ROBO1: variants seen among roughly 807,000 people sequenced by gnomAD.
The protein encoded by ROBO1 is roundabout homolog 1.
ROBO1 carries 149 observed loss-of-function variants against 195.9 expected under a neutral mutation model. That is an observed-to-expected ratio of 0.76 (90% CI 0.67 to 0.87). The LOEUF is 0.87. ROBO1 is among the 40% of genes least tolerant of loss of function. The pLI is 0.00. For missense variants in ROBO1, 1,933 were observed against 2,068.3 expected (o/e 0.93, Z 1.27); for synonymous variants, 816 against 733.2 (o/e 1.11, Z -1.82).
chr3:79,491,782 CTTT>C (rs35967088), intron 2 of ROBO1, among the ~76,000 whole-genome samples: 3 of 142,720 alleles, frequency 2.1e-5, no homozygotes, highest in Admixed American at 7.0e-5. Flanking sequence ...TTTAATCTGA[CTTT>C]TTTTTTTTTT....
In ROBO1 at chr3:78,617,651, T is replaced by A. The variant is rs998709687; in HGVS notation, c.4266A>T (p.Gln1422His). ...AGGACTCACCAGCAGCATCCTGCAT[T>A]TGCCGTCGTGCTACTTTCAGACCAG... is the stretch of plus-strand genomic sequence containing the variant. ...EYAGLKVARR[Q>H]MQDAAGRRHF... Residue 1422 changes from glutamine (Q) to histidine (H), a missense_variant, in exon 27 of 31, where the codon CAA becomes CAT. Coordinates refer to ENST00000464233, the MANE Select transcript of ROBO1 (RefSeq NM_002941.4). 1.2e-6 allele frequency: 2 copies of A among 1,611,624 alleles called. No homozygotes were observed. Among genetic ancestry groups the A allele is most frequent in the Non-Finnish European group, 1.7e-6 (2 of 1,178,560 alleles).
At chr3:78,725,981 C>T (rs1007636067) in intron 5 of ROBO1, among the ~76,000 whole-genome samples, 64 of 151,530 alleles carry the variant, frequency 4.2e-4, no homozygotes, top group African/African-American at 1.5e-3. Context: ...ATCCATACAC[C>T]TCTAGGTTAA....
At chr3:78,952,762 G>A (rs1263494320) in intron 3 of ROBO1, among the ~76,000 whole-genome samples, 1 of 151,954 alleles carries the variant, frequency 6.6e-6, no homozygotes, top group Middle Eastern at 3.2e-3. Flanking sequence ...AAAATGGAAT[G>A]GATTATAATA....
At chr3:79,196,207 T>C (rs1039883703) in intron 2 of ROBO1, among the ~76,000 whole-genome samples, 1 of 151,382 alleles carries the variant, frequency 6.6e-6, no homozygotes, top group African/African-American at 2.4e-5. Flanking sequence ...TCCAAGAGAC[T>C]TGGTGGTTTT....
At chr3:79,717,703 T>C (rs1702545316) in intron 1 of ROBO1, among the ~76,000 whole-genome samples, 1 of 152,036 alleles carries the variant, frequency 6.6e-6, no homozygotes, top group Non-Finnish European at 1.5e-5. Context: ...AGAATGCATA[T>C]ATGTTAGAAG....
At chr3:79,678,596 A>T (rs920221081) in intron 1 of ROBO1, among the ~76,000 whole-genome samples, 2 of 152,104 alleles carry the variant, frequency 1.3e-5, no homozygotes, top group African/African-American at 4.8e-5. Flanking sequence ...AATTCCTTAG[A>T]AATTTTAGAA....
chr3:78,983,846 G>A (rs1313753405), intron 3 of ROBO1, among the ~76,000 whole-genome samples: 3 of 152,148 alleles, frequency 2.0e-5, no homozygotes, highest in Non-Finnish European at 4.4e-5. Context: ...GGTAAAGGGT[G>A]ACACTGATAG....
At chr3:79,148,444 A>C (rs1270895588) in intron 2 of ROBO1, among the ~76,000 whole-genome samples, 1 of 151,872 alleles carries the variant, frequency 6.6e-6, no homozygotes, top group Non-Finnish European at 1.5e-5. Context: ...ATCTCTTAAA[A>C]AATTTTAAAT....
chr3:78,680,385 G>A (rs1045744602), intron 10 of ROBO1, among the ~76,000 whole-genome samples: 3 of 152,128 alleles, frequency 2.0e-5, no homozygotes, highest in African/African-American at 7.2e-5. Context: ...TACCATCAGA[G>A]TGAACAGGCA....
intron 4 of ROBO1, among the ~76,000 whole-genome samples, chr3:78,762,620 C>A (rs2108375620): frequency 6.6e-6 from 1 of 152,028 alleles, no homozygotes; most frequent in Middle Eastern, 3.4e-3. Context: ...CAGGTCAGAA[C>A]TATAGAGAAA....
intron 2 of ROBO1, among the ~76,000 whole-genome samples, chr3:79,422,245 A>T (rs1262022027): frequency 1.3e-5 from 2 of 150,342 alleles, no homozygotes; most frequent in South Asian, 4.2e-4. Context: ...GTAAATACGT[A>T]CAAGTGAAAT....
chr3:79,448,245 G>A (rs879298489), intron 2 of ROBO1, among the ~76,000 whole-genome samples: 1 of 152,100 alleles, frequency 6.6e-6, no homozygotes, highest in African/African-American at 2.4e-5. Flanking sequence ...TTCTATCATG[G>A]TATGCTCTAG....
At chr3:79,745,810 T>G (rs1703849216) in intron 1 of ROBO1, among the ~76,000 whole-genome samples, 1 of 152,164 alleles carries the variant, frequency 6.6e-6, no homozygotes, top group Non-Finnish European at 1.5e-5. Context: ...TATATATGTA[T>G]ACAATTGGCT....
chr3:79,185,225 C>T (rs549045653), intron 2 of ROBO1, among the ~76,000 whole-genome samples: 319 of 152,276 alleles, frequency 2.1e-3, no homozygotes, highest in African/African-American at 5.8e-3. Context: ...TCAACTCTTT[C>T]TCTGGTCTCT....
chr3:79,225,143 A>G (rs112083380), intron 2 of ROBO1, among the ~76,000 whole-genome samples: 13,050 of 152,142 alleles, frequency 0.086, 1,151 homozygotes, highest in African/African-American at 0.23. Flanking sequence ...AATTTAAATA[A>G]AAACTACATT....
intron 2 of ROBO1, among the ~76,000 whole-genome samples, chr3:79,249,269 G>C (rs1424384495): frequency 6.6e-6 from 1 of 152,176 alleles, no homozygotes; most frequent in Non-Finnish European, 1.5e-5. Flanking sequence ...CTGGGCACGT[G>C]AACTGTTCAC....
rs529301527 is a variant in ROBO1 at position 78,684,671 on chromosome 3, T to G, written c.1342+1075A>C. ...ACTACAGATGACTAGCTCTGGGAGT[T>G]GATGAAGACAACTCGATGGATTAAA... On this transcript the variant is annotated intron_variant, in intron 10 of 30. Coordinates refer to ENST00000464233, the MANE Select transcript of ROBO1 (RefSeq NM_002941.4). 1.7e-4 allele frequency among the ~76,000 whole-genome samples: 26 copies of G among 152,184 alleles called. No individual in the cohort carries two copies. The South Asian group carries it at 4.6e-3, about 27-fold the overall frequency.
At chr3:78,693,065 C>A (rs1378599441) in intron 8 of ROBO1, 2 of 360,560 alleles carry the variant, frequency 5.5e-6, no homozygotes, top group East Asian at 4.5e-5. Flanking sequence ...AAGATGTAAT[C>A]CTATCACTTA....
At position 79,765,389 on chromosome 3, in the gene ROBO1, T is replaced by G. The variant is rs112555272; in HGVS notation, c.-51+2363A>C. Among the ~76,000 whole-genome samples the G allele has an allele frequency of 8.7e-4, 132 of 152,270 alleles. 1 individual carries two copies. Among genetic ancestry groups the G allele is most frequent in the Admixed American group, 3.9e-3 (60 of 15,302 alleles). ...TGCTGCTGCTTCCTCTTCCTTTTTT[T>G]GGGGGGTGGGGGCCGATTTTGGAAG... On this transcript the variant is annotated intron_variant, in intron 1 of 30. Transcript: ENST00000464233.
Sources: allele counts gnomAD v4.1 joint callset (sites outside exome capture counted in the v4.1 genomes callset), GRCh38; gene constraint gnomAD v4.1.1; transcripts MANE v1.5; gene names NCBI Gene and HGNC (gene_info 2026-07-23, HGNC 2026-07-21).